GSPT1: variants seen among roughly 807,000 people sequenced by gnomAD.
GSPT1 encodes the protein G1 to S phase transition 1.
GSPT1 carries 20 observed loss-of-function variants against 72.5 expected under a neutral mutation model. That is an observed-to-expected ratio of 0.28 (90% CI 0.19 to 0.40). The LOEUF is 0.40. Ranked by LOEUF, GSPT1 falls within the 10% of genes least tolerant of loss-of-function variation. The pLI, the probability that GSPT1 is intolerant of heterozygous loss-of-function variation, is 1.00. For missense variants in GSPT1, 580 were observed against 811.9 expected (o/e 0.71, Z 3.47); for synonymous variants, 334 against 293.5 (o/e 1.14, Z -1.41).
At chr16:11,900,688 G>A (rs971536862) in intron 1 of GSPT1, among the ~76,000 whole-genome samples, 10 of 152,208 alleles carry the variant, frequency 6.6e-5, no homozygotes, top group Non-Finnish European at 1.5e-4. Flanking sequence ...CAGTTATGAT[G>A]TACTGCGTAT....
At chr16:11,900,486 C>T (rs1343431338) in intron 1 of GSPT1, among the ~76,000 whole-genome samples, 1 of 151,790 alleles carries the variant, frequency 6.6e-6, no homozygotes, top group Non-Finnish European at 1.5e-5. Context: ...TTATTGAGCC[C>T]TAAGTGCCGA....
rs1353106449 is a variant in GSPT1 at position 11,868,347 on chromosome 16, C to G, written c.*4772G>C. Reference sequence around the variant, plus strand: ...AAAAACTCAACAAACCTGATCAGTTCCCTTTAATCCTGTTTTTTTTTTTTT... The same window carrying G: ...AAAAACTCAACAAACCTGATCAGTTGCCTTTAATCCTGTTTTTTTTTTTTT... On this transcript the variant is annotated 3_prime_UTR_variant, in exon 15 of 15. Coordinates refer to ENST00000434724, the MANE Select transcript of GSPT1 (RefSeq NM_002094.4). The G allele has an allele frequency of 7.0e-6, 1 of 143,774 alleles. No individual in the cohort carries two copies. The highest frequency in any genetic ancestry group is 1.5e-5 in the Non-Finnish European group (1 of 66,560). The allele number at this position is 143,774 out of a possible 1,614,324, so 8.9% of individuals were successfully genotyped here.
chr16:11,911,852 GTATTTTTT>G (rs1299574024), intron 1 of GSPT1, among the ~76,000 whole-genome samples: 1 of 60,416 alleles, frequency 1.7e-5, no homozygotes, highest in Non-Finnish European at 3.6e-5. Flanking sequence ...GCACCCAGCT[GTATTTTTT>G]TTTTTTTTTT....
At chr16:11,900,773 T>C (rs13339523) in intron 1 of GSPT1, among the ~76,000 whole-genome samples, 13,694 of 152,122 alleles carry the variant, frequency 0.09, 1,184 homozygotes, top group African/African-American at 0.19. Context: ...TAACAGCTTT[T>C]CAAAACAAAA....
rs534986759 is a variant in GSPT1, at chr16:11,883,343, G to A, written c.1348-248C>T. Among the ~76,000 whole-genome samples, 21 of 151,646 alleles carry A rather than the reference G, an allele frequency of 1.4e-4. No individual in the cohort carries two copies. The South Asian group carries it at 4.0e-3, about 29-fold the overall frequency. ...AAGAAAATGGCACAAGCTGGATGTG[G>A]TGGCTCAAGCCTATAATCCCAACAC... On this transcript the variant is annotated intron_variant, in intron 10 of 14. Coordinates refer to ENST00000434724, the MANE Select transcript of GSPT1 (RefSeq NM_002094.4).
At chr16:11,909,735 G>A (rs1026399952) in intron 1 of GSPT1, among the ~76,000 whole-genome samples, 1 of 152,078 alleles carries the variant, frequency 6.6e-6, no homozygotes, top group African/African-American at 2.4e-5. Flanking sequence ...GACCAGCCTG[G>A]GCAACATGGT....
intron 12 of GSPT1, among the ~76,000 whole-genome samples, chr16:11,876,508 G>C (rs577112895): frequency 6.6e-6 from 1 of 152,214 alleles, no homozygotes; most frequent in African/African-American, 2.4e-5. Context: ...GGCGGCAGGG[G>C]GGCCGGGGGG....
At chr16:11,891,632 G>A (rs1208972774) in intron 5 of GSPT1, among the ~76,000 whole-genome samples, 1 of 151,268 alleles carries the variant, frequency 6.6e-6, no homozygotes, top group Non-Finnish European at 1.5e-5. Flanking sequence ...AAAGTGCTGG[G>A]ATTACAGGCG....
intron 14 of GSPT1, among the ~76,000 whole-genome samples, chr16:11,873,467 C>T (rs773074585): frequency 5.3e-5 from 8 of 152,134 alleles, no homozygotes; most frequent in Non-Finnish European, 1.0e-4. Context: ...CCTGCCACCA[C>T]GCCCAGCTAA....
chr16:11,885,798 G>A (rs1377419732), intron 9 of GSPT1, among the ~76,000 whole-genome samples: 3 of 152,078 alleles, frequency 2.0e-5, no homozygotes, highest in Non-Finnish European at 4.4e-5. Flanking sequence ...AGGCTGAGGT[G>A]GGAGGATCTC....
At chr16:11,916,382 T>G (rs1462982245), upstream of GSPT1, among the ~76,000 whole-genome samples, 1 of 152,148 alleles carries the variant, frequency 6.6e-6, no homozygotes, top group Non-Finnish European at 1.5e-5. Context: ...GGACACAGGC[T>G]GGGGGAAAAC....
intron 1 of GSPT1, among the ~76,000 whole-genome samples, chr16:11,912,416 C>A (rs2150894734): frequency 6.6e-6 from 1 of 151,738 alleles, no homozygotes; most frequent in African/African-American, 2.4e-5. Context: ...ATACGGAACA[C>A]TACAAAACAG....
intron 6 of GSPT1, among the ~76,000 whole-genome samples, chr16:11,889,329 C>CTTTTTTTTTTT (rs902991145): frequency 3.3e-5 from 2 of 60,040 alleles, no homozygotes; most frequent in African/African-American, 7.5e-5. Flanking sequence ...CCCTCTTCTT[C>CTTTTTTTTTTT]TTTTTTTTTT....
chr16:11,878,634 A>T (rs929220124), intron 11 of GSPT1, among the ~76,000 whole-genome samples: 4 of 151,958 alleles, frequency 2.6e-5, no homozygotes, highest in Non-Finnish European at 5.9e-5. Flanking sequence ...TAAAAATAAA[A>T]TAGTTATGGA....
intron 1 of GSPT1, among the ~76,000 whole-genome samples, chr16:11,905,097 G>A (rs893500137): frequency 1.3e-5 from 2 of 152,190 alleles, no homozygotes; most frequent in Admixed American, 1.3e-4. Flanking sequence ...CAGGCATCCT[G>A]AGTGAAACTG....
Position 11,915,377 on chromosome 16 carries a change from C to G in GSPT1, c.344G>C (p.Gly115Ala). ...NNHGAGSGAG[G>A]RAAPVESSQE... ...GCGTCCCGGGCCTTTACCCGCACGG[C>G]CTCCCGCGCCGCTGCCGGCTCCGTG... Residue 115 changes from glycine to alanine, a missense_variant, in exon 1 of 15, where the codon GGC becomes GCC. Physicochemically the swap from Gly to Ala is moderately conservative, Grantham distance 60. Coordinates refer to ENST00000434724, the MANE Select transcript of GSPT1 (RefSeq NM_002094.4). 6.7e-7 allele frequency: 1 copy of G among 1,484,650 alleles called. No individual in the cohort carries two copies. Among genetic ancestry groups the G allele is most frequent in the East Asian group, 2.9e-5 (1 of 34,024 alleles). 92.0% of individuals were successfully genotyped at this position (1,484,650 alleles called of 1,614,324 possible). A position where few individuals can be genotyped will look rare whatever the true frequency, so the allele number is the denominator to read the frequency against.
chr16:11,914,223 A>G (rs1326418697), intron 1 of GSPT1, among the ~76,000 whole-genome samples: 1 of 152,188 alleles, frequency 6.6e-6, no homozygotes, highest in Non-Finnish European at 1.5e-5. Context: ...TCCTAAAATA[A>G]GCACCATTAG....
intron 1 of GSPT1, among the ~76,000 whole-genome samples, chr16:11,906,364 T>C (rs1305317178): frequency 5.9e-5 from 9 of 152,130 alleles, no homozygotes. Context: ...GCTGTGGTGG[T>C]TCCCGCCTAT....
chr16:11,886,989 G>A, intron 7 of GSPT1, 58 bp from the exon 8 acceptor site: 1 of 966,534 alleles, frequency 1.0e-6, no homozygotes, highest in Non-Finnish European at 1.5e-6. Context: ...CCTTATGGCA[G>A]TAAAACATCT....
Sources: allele counts gnomAD v4.1 joint callset (sites outside exome capture counted in the v4.1 genomes callset), GRCh38; gene constraint gnomAD v4.1.1; transcripts MANE v1.5; gene names NCBI Gene and HGNC (gene_info 2026-07-23, HGNC 2026-07-21).